Variants in SEPSECS observed in about 807,000 individuals in gnomAD.
SEPSECS encodes the protein O-phosphoseryl-tRNA(Sec) selenium transferase.
A neutral mutation model predicts 52.1 loss-of-function variants in SEPSECS; 42 were observed. That is an observed-to-expected ratio of 0.81 (90% CI 0.63 to 1.04). The LOEUF is 1.04. SEPSECS is among the 50% of genes least tolerant of loss of function. The pLI is 0.00. For synonymous variants in SEPSECS, 216 were observed against 211.4 expected (o/e 1.02, Z -0.19); for missense variants, 590 against 610.6 (o/e 0.97, Z 0.36).
intron 8 of SEPSECS, among the ~76,000 whole-genome samples, chr4:25,133,393 T>C (rs1032179538): frequency 6.6e-6 from 1 of 152,138 alleles, no homozygotes; most frequent in African/African-American, 2.4e-5. Context: ...CCAGTGATAA[T>C]AAAGAACAAA....
chr4:25,124,508 G>A (rs1350759186), intron 10 of SEPSECS, among the ~76,000 whole-genome samples: 5 of 152,028 alleles, frequency 3.3e-5, no homozygotes, highest in African/African-American at 4.8e-5. Context: ...ATTTTTGCCA[G>A]TATCTTTTTC....
intron 6 of SEPSECS, among the ~76,000 whole-genome samples, chr4:25,148,352 C>CAAAAAAAAAAAAAAAAAAAAAAAAAAAA (rs34262935): frequency 1.3e-5 from 1 of 75,588 alleles, no homozygotes; most frequent in Non-Finnish European, 2.3e-5. Flanking sequence ...GACTCCGTCT[C>CAAAAAAAAAAAAAAAAAAAAAAAAAAAA]AAAAAAAAAA....
intron 8 of SEPSECS, among the ~76,000 whole-genome samples, chr4:25,132,076 T>C (rs1003732602): frequency 6.6e-6 from 1 of 152,152 alleles, no homozygotes; most frequent in Non-Finnish European, 1.5e-5. Context: ...GCAAAGAGGC[T>C]CAATTCACAC....
At chr4:25,152,785 T>C (rs1712383111) in intron 5 of SEPSECS, among the ~76,000 whole-genome samples, 2 of 151,980 alleles carry the variant, frequency 1.3e-5, no homozygotes, top group South Asian at 2.1e-4. Context: ...CAAATACTTC[T>C]TGTGACTGAG....
At chr4:25,155,340 G>C (rs1712557350) in intron 4 of SEPSECS, 189 bp from the exon 5 acceptor site, 2 of 625,730 alleles carry the variant, frequency 3.2e-6, no homozygotes, top group Admixed American at 5.6e-5. Context: ...TAATGTGAGG[G>C]ACTACTACAC....
In SEPSECS at chr4:25,160,292, G is replaced by A; in HGVS notation, c.78C>T (p.Arg26=). ...AYVRQGCEAR[R]SHEHLIRLLL... ...GCAGCCGTATGAGGTGCTCATGCGA[G>A]CGGCGGGCCTCACAGCCCTGCCGCA... is the stretch of plus-strand genomic sequence containing the variant. The change falls in exon 1 of 11, where the codon CGC becomes CGT. Residue 26 remains arginine (R), a synonymous_variant. Coordinates refer to ENST00000382103, the MANE Select transcript of SEPSECS (RefSeq NM_016955.4). 6.4e-7 allele frequency: 1 copy of A among 1,552,442 alleles called. No homozygotes were observed. Among genetic ancestry groups the A allele is most frequent in the Admixed American group, 1.9e-5 (1 of 51,508 alleles).
chr4:25,151,906 AAT>A (rs1712324922), intron 6 of SEPSECS, 52 bp downstream of exon 6: 1 of 941,826 alleles, frequency 1.1e-6, no homozygotes, highest in African/African-American at 1.6e-5. Flanking sequence ...ATAATCCTAT[AAT>A]ATGTTAAAAT....
At position 25,121,477 on chromosome 4, in the gene SEPSECS, A is replaced by G. The variant is rs1447206524; in HGVS notation, c.*2454T>C. On this transcript the variant is annotated 3_prime_UTR_variant, in exon 11 of 11. Transcript: ENST00000382103. ...ATGTATCATCCACTGCCTTCGTCAC[A>G]GTACAAAGATAACAAAGGCCAATTA... 6.6e-6 allele frequency: 1 copy of G among 152,204 alleles called. No homozygotes were observed. Among genetic ancestry groups the G allele is most frequent in the Non-Finnish European group, 1.5e-5 (1 of 68,004 alleles). The allele number at this position is 152,204 out of a possible 1,614,324, so 9.4% of individuals were successfully genotyped here.
At chr4:25,147,413 G>T (rs1712029100) in intron 6 of SEPSECS, among the ~76,000 whole-genome samples, 1 of 152,218 alleles carries the variant, frequency 6.6e-6, no homozygotes, top group African/African-American at 2.4e-5. Context: ...GAAAGTATTT[G>T]TTGAATGAAG....
intron 6 of SEPSECS, among the ~76,000 whole-genome samples, chr4:25,146,647 C>G (rs1046512132): frequency 2.0e-5 from 3 of 152,162 alleles, no homozygotes; most frequent in Admixed American, 2.0e-4. Context: ...TAGAACCCTT[C>G]CATCACTAAA....
Position 25,145,006 on chromosome 4 carries a change from G to T in SEPSECS, c.932C>A (p.Pro311Gln). 2 of 1,613,782 alleles carry T rather than the reference G, an allele frequency of 1.2e-6. No homozygotes were observed. The highest frequency in any genetic ancestry group is 1.1e-5 in the South Asian group (1 of 91,052). ...SFIQEISKMYPGRASASPSLD... is the reference protein window; with the variant it reads ...SFIQEISKMYQGRASASPSLD... Reference sequence around the variant, plus strand: ...TGAAAAGCAACTTATTTATTTACCTGGATACATCTTGCTGATTTCCTGAAT... The same window carrying T: ...TGAAAAGCAACTTATTTATTTACCTTGATACATCTTGCTGATTTCCTGAAT... Residue 311 changes from proline (P) to glutamine (Q), a missense_variant and splice_region_variant, in exon 7 of 11, where the codon CCA becomes CAA. Transcript: ENST00000382103.
chr4:25,131,096 A>G (rs781276355), intron 8 of SEPSECS, among the ~76,000 whole-genome samples: 2 of 152,198 alleles, frequency 1.3e-5, no homozygotes, highest in Non-Finnish European at 2.9e-5. Context: ...AAAACTTTAC[A>G]CCACAGTTCA....
chr4:25,159,951 T>G, intron 1 of SEPSECS: 1 of 985,320 alleles, frequency 1.0e-6, no homozygotes, highest in Non-Finnish European at 1.2e-6. Flanking sequence ...ACTTTGCCCT[T>G]TCCGCGAATA....
In SEPSECS at chr4:25,122,418, G is replaced by A. The variant is rs954828781; in HGVS notation, c.*1513C>T. The A allele has an allele frequency of 1.3e-5, 2 of 152,092 alleles. No homozygotes were observed. Among genetic ancestry groups the A allele is most frequent in the African/African-American group, 4.8e-5 (2 of 41,418 alleles). 9.4% of individuals were successfully genotyped at this position (152,092 alleles called of 1,614,324 possible). A position where few individuals can be genotyped will look rare whatever the true frequency, so the allele number is the denominator to read the frequency against. On this transcript the variant is annotated 3_prime_UTR_variant, in exon 11 of 11. Coordinates refer to ENST00000382103, the MANE Select transcript of SEPSECS (RefSeq NM_016955.4). ...TCAATAAGAAAAATGCAGCCCAGAA[G>A]GCAACACAGCATTCTCTACCATAGT...
At chr4:25,148,352 C>CAAAAAAAAAAAAAAAAAAAAAAA (rs34262935) in intron 6 of SEPSECS, among the ~76,000 whole-genome samples, 1 of 75,588 alleles carries the variant, frequency 1.3e-5, no homozygotes, top group Non-Finnish European at 2.3e-5. Flanking sequence ...GACTCCGTCT[C>CAAAAAAAAAAAAAAAAAAAAAAA]AAAAAAAAAA....
At chr4:25,160,153 C>T in intron 1 of SEPSECS, 103 bp downstream of exon 1, 5 of 1,525,400 alleles carry the variant, frequency 3.3e-6, no homozygotes, top group Non-Finnish European at 3.5e-6. Context: ...GGACTAGTCT[C>T]AAGCAGCGAA....
intron 8 of SEPSECS, among the ~76,000 whole-genome samples, chr4:25,135,328 T>C (rs1728798740): frequency 1.6e-5 from 2 of 123,262 alleles, no homozygotes; most frequent in Non-Finnish European, 3.8e-5. Flanking sequence ...TTAGCTAGAC[T>C]AATAAGAAAA....
At chr4:25,124,893 C>T (rs1349445300) in intron 10 of SEPSECS, among the ~76,000 whole-genome samples, 1 of 151,800 alleles carries the variant, frequency 6.6e-6, no homozygotes, top group Admixed American at 6.6e-5. Flanking sequence ...AGTTTAATCG[C>T]TTAGCTTTTT....
In SEPSECS at chr4:25,120,380, A is replaced by G. The variant is rs1181348277; in HGVS notation, c.*3551T>C. 6.6e-6 allele frequency: 1 copy of G among 152,218 alleles called. No homozygotes were observed. Among genetic ancestry groups the G allele is most frequent in the East Asian group, 1.9e-4 (1 of 5,202 alleles). 9.4% of individuals were successfully genotyped at this position (152,218 alleles called of 1,614,324 possible). A position where few individuals can be genotyped will look rare whatever the true frequency, so the allele number is the denominator to read the frequency against. ...TACCAAAAGGGCAAAAGGAAAGTAAAAAGTAAGGCACAAAAGGATGCAGTG... is the reference window on the plus strand; with the variant it reads ...TACCAAAAGGGCAAAAGGAAAGTAAGAAGTAAGGCACAAAAGGATGCAGTG... On this transcript the variant is annotated 3_prime_UTR_variant, in exon 11 of 11. Coordinates refer to ENST00000382103, the MANE Select transcript of SEPSECS (RefSeq NM_016955.4).
Sources: gnomAD v4.1 joint callset for allele counts (sites outside exome capture counted in the v4.1 genomes callset) on GRCh38, gnomAD v4.1.1 for gene constraint, MANE v1.5 for transcripts, NCBI Gene and HGNC (gene_info 2026-07-23, HGNC 2026-07-21) for gene names.